Variants in BCAS3 observed in about 807,000 individuals in gnomAD.
BCAS3 encodes BCAS3 microtubule associated cell migration factor, also known as BCAS4/BCAS3 fusion.
BCAS3 carries 53 observed loss-of-function variants against 116.1 expected under a neutral mutation model. The observed-to-expected ratio is 0.46, with a 90% CI of 0.37 to 0.57. BCAS3 has a LOEUF of 0.57. BCAS3 is among the 20% of genes least tolerant of loss of function. The pLI, the probability that BCAS3 is intolerant of heterozygous loss-of-function variation, is 0.00. For missense variants in BCAS3, 917 were observed against 1,165.4 expected (o/e 0.79, Z 3.10); for synonymous variants, 391 against 408.2 (o/e 0.96, Z 0.51).
Position 61,208,206 on chromosome 17 carries a change from C to A in BCAS3, c.2425+123642C>A, listed in dbSNP as rs997391597. On this transcript the variant is annotated intron_variant, in intron 22 of 23. Coordinates refer to ENST00000407086, the MANE Select transcript of BCAS3 (RefSeq NM_017679.5). The surrounding 1 kb of genome is among the most constrained non-coding windows in gnomAD (Gnocchi z 4.5). ...GACTAGTAACTTCCTATTCCACTTTCCTGGGCTTGGTATTTTAGTTATTGT... is the reference window on the plus strand; with the variant it reads ...GACTAGTAACTTCCTATTCCACTTTACTGGGCTTGGTATTTTAGTTATTGT... Among the ~76,000 whole-genome samples the A allele has an allele frequency of 1.3e-5, 2 of 152,102 alleles. No homozygotes were observed. Among genetic ancestry groups the A allele is most frequent in the African/African-American group, 4.8e-5 (2 of 41,418 alleles).
intron 22 of BCAS3, among the ~76,000 whole-genome samples, chr17:61,190,257 G>A (rs2080021901): frequency 6.6e-6 from 1 of 152,062 alleles, no homozygotes; most frequent in South Asian, 2.1e-4. Context: ...TGGGTGCGGT[G>A]GCTCACCCCT....
At chr17:60,718,903 TA>T in intron 5 of BCAS3, among the ~76,000 whole-genome samples, 1 of 151,938 alleles carries the variant, frequency 6.6e-6, no homozygotes, top group South Asian at 2.1e-4. Flanking sequence ...CTACTAAAAA[TA>T]CAAAAAAATT....
chr17:61,283,942 G>A (rs1205793850), intron 22 of BCAS3, among the ~76,000 whole-genome samples: 2 of 152,168 alleles, frequency 1.3e-5, no homozygotes, highest in Non-Finnish European at 2.9e-5. Flanking sequence ...TTTTTAAGCA[G>A]TTAGAACTTG....
intron 6 of BCAS3, among the ~76,000 whole-genome samples, chr17:60,753,857 G>A (rs1392194566): frequency 2.0e-5 from 3 of 152,042 alleles, no homozygotes; most frequent in South Asian, 2.1e-4. Context: ...TTGGAATGAT[G>A]GGAACTGTGT....
intron 7 of BCAS3, among the ~76,000 whole-genome samples, chr17:60,865,209 A>T (rs2144871791): frequency 6.6e-6 from 1 of 152,280 alleles, no homozygotes; most frequent in East Asian, 1.9e-4. Flanking sequence ...AAAAAAAAAA[A>T]TGCAATATCT....
At position 61,276,204 on chromosome 17, in the gene BCAS3, T is replaced by G. The variant is rs913797427; in HGVS notation, c.2426-92123T>G. ...TTTCTACTAAAGATACATTAAAAAA[T>G]TAGCCAGGCATGGTGGTGAGCACCT... On this transcript the variant is annotated intron_variant, in intron 22 of 23. Transcript: ENST00000407086. The surrounding 1 kb of genome is among the most constrained non-coding windows in gnomAD (Gnocchi z 4.2). 1.3e-5 allele frequency among the ~76,000 whole-genome samples: 2 copies of G among 151,964 alleles called. No homozygotes were observed. Among genetic ancestry groups the G allele is most frequent in the Non-Finnish European group, 2.9e-5 (2 of 68,010 alleles).
At chr17:60,919,154 G>A (rs535832923) in intron 12 of BCAS3, among the ~76,000 whole-genome samples, 1 of 151,898 alleles carries the variant, frequency 6.6e-6, no homozygotes, top group Non-Finnish European at 1.5e-5. Context: ...ATCTCACTGG[G>A]CTTCTTTAAT....
intron 7 of BCAS3, among the ~76,000 whole-genome samples, chr17:60,849,139 G>C (rs1367267618): frequency 2.0e-5 from 3 of 152,188 alleles, no homozygotes. Context: ...TGTGTAATTT[G>C]GGGGTACAGC....
At chr17:61,314,442 C>G (rs144211369) in intron 22 of BCAS3, among the ~76,000 whole-genome samples, 1 of 152,362 alleles carries the variant, frequency 6.6e-6, no homozygotes, top group African/African-American at 2.4e-5. Context: ...ACCGCATTCC[C>G]TCTCTAAGAA....
At chr17:61,117,307 T>C (rs2075529526) in intron 22 of BCAS3, among the ~76,000 whole-genome samples, 1 of 152,202 alleles carries the variant, frequency 6.6e-6, no homozygotes, top group South Asian at 2.1e-4. Context: ...AAATTTTCTT[T>C]TGAGGCCAGG....
chr17:60,690,111 G>T (rs948055043), intron 4 of BCAS3, among the ~76,000 whole-genome samples: 15 of 152,132 alleles, frequency 9.9e-5, no homozygotes, highest in African/African-American at 3.6e-4. Flanking sequence ...AACTTTCTTG[G>T]CTTGAAAATT....
Position 61,315,704 on chromosome 17 carries a change from G to GT in BCAS3, c.2426-52620dup, listed in dbSNP as rs1214984088. ...ATGTGACCAGGCTGACTGACCCCCC[G>GT]TTTCATGCCCCACGCCTTTGCTGGT... On this transcript the variant is annotated intron_variant, in intron 22 of 23. Coordinates refer to ENST00000407086, the MANE Select transcript of BCAS3 (RefSeq NM_017679.5). This position sits in a 1 kb window ranked among gnomAD's most constrained non-coding sequence, Gnocchi z 5.3. Among the ~76,000 whole-genome samples, 4 of 152,074 alleles carry GT rather than the reference G, an allele frequency of 2.6e-5. No individual in the cohort carries two copies. The South Asian group carries it at 8.3e-4, about 32-fold the overall frequency.
At position 61,161,037 on chromosome 17, in the gene BCAS3, C is replaced by T. The variant is rs187720875; in HGVS notation, c.2425+76473C>T. Among the ~76,000 whole-genome samples the T allele has an allele frequency of 2.6e-5, 4 of 152,142 alleles. No homozygotes were observed. The highest frequency in any genetic ancestry group is 6.5e-5 in the Admixed American group (1 of 15,286). On this transcript the variant is annotated intron_variant, in intron 22 of 23. Coordinates refer to ENST00000407086, the MANE Select transcript of BCAS3 (RefSeq NM_017679.5). This position sits in a 1 kb window ranked among gnomAD's most constrained non-coding sequence, Gnocchi z 4.8. ...CCCCTTCCCTGTGTCAACTTTGGGA[C>T]GACTACAAGAGATCTATAGTTAAAA...
At chr17:60,915,112 T>C (rs189646514) in intron 12 of BCAS3, among the ~76,000 whole-genome samples, 1 of 152,366 alleles carries the variant, frequency 6.6e-6, no homozygotes, top group Non-Finnish European at 1.5e-5. Flanking sequence ...ATATATTCTA[T>C]ATTTTTATTA....
rs1465030599 is a variant in BCAS3 at position 60,967,453 on chromosome 17, T to G, written c.1221+20101T>G. 6.6e-6 allele frequency among the ~76,000 whole-genome samples: 1 copy of G among 152,250 alleles called. No homozygotes were observed. The highest frequency in any genetic ancestry group is 2.4e-5 in the African/African-American group (1 of 41,470). The stretch of plus-strand genomic sequence containing the variant: ...ACAGTGTTTGCTTCTTTTCTCGTGC[T>G]GTTTTTAGGATCTTCTCTTTGTCCT... On this transcript the variant is annotated intron_variant, in intron 14 of 23. Coordinates refer to ENST00000407086, the MANE Select transcript of BCAS3 (RefSeq NM_017679.5). This position sits in a 1 kb window ranked among gnomAD's most constrained non-coding sequence, Gnocchi z 4.7.
chr17:60,749,939 A>G (rs763852589), intron 6 of BCAS3, among the ~76,000 whole-genome samples: 57 of 152,202 alleles, frequency 3.7e-4, no homozygotes, highest in Non-Finnish European at 7.3e-4. Context: ...AGGCTGAGGC[A>G]GGTGGATCAT....
intron 22 of BCAS3, among the ~76,000 whole-genome samples, chr17:61,231,227 G>C (rs1427541241): frequency 6.6e-6 from 1 of 152,006 alleles, no homozygotes; most frequent in African/African-American, 2.4e-5. Flanking sequence ...TTGCTTGTAG[G>C]TCTTGTTTTG....
At chr17:61,133,559 T>C (rs2076450683) in intron 22 of BCAS3, among the ~76,000 whole-genome samples, 2 of 152,154 alleles carry the variant, frequency 1.3e-5, no homozygotes. Context: ...TACTTCCCTG[T>C]TAAGTAGGGA....
chr17:60,700,466 G>C (rs1438900495), intron 4 of BCAS3, among the ~76,000 whole-genome samples: 1 of 152,204 alleles, frequency 6.6e-6, no homozygotes, highest in African/African-American at 2.4e-5. Flanking sequence ...TCTTTGAGTG[G>C]AGTTTGCACT....
Sources: allele counts gnomAD v4.1 joint callset (sites outside exome capture counted in the v4.1 genomes callset), GRCh38; gene constraint gnomAD v4.1.1; non-coding constraint Gnocchi (gnomAD v3.1); transcripts MANE v1.5; gene names NCBI Gene and HGNC (gene_info 2026-07-23, HGNC 2026-07-21).